Variants in ZNF713 observed in about 807,000 individuals in gnomAD.
ZNF713 encodes zinc finger protein 713.
A neutral mutation model predicts 28.7 loss-of-function variants in ZNF713; 21 were observed. The observed-to-expected ratio is 0.73, with a 90% CI of 0.52 to 1.05. The LOEUF is 1.05. Among genes scored for constraint, ZNF713 ranks in the 50% least tolerant of loss-of-function variants. ZNF713 has a pLI of 0.00. For missense variants in ZNF713, 458 were observed against 532.4 expected (o/e 0.86, Z 1.37); for synonymous variants, 167 against 178.0 (o/e 0.94, Z 0.49).
intron 1 of ZNF713, among the ~76,000 whole-genome samples, chr7:55,891,370 T>C (rs554388105): frequency 1.3e-5 from 2 of 151,922 alleles, no homozygotes; most frequent in African/African-American, 4.8e-5. Flanking sequence ...AAAAGTATAA[T>C]GTGACTTGCA....
chr7:55,889,629 C>T (rs998255216), intron 1 of ZNF713, among the ~76,000 whole-genome samples: 2 of 152,114 alleles, frequency 1.3e-5, no homozygotes, highest in Non-Finnish European at 2.9e-5. Context: ...TTAGTGATGC[C>T]CTCAAAGCCC....
intron 1 of ZNF713, among the ~76,000 whole-genome samples, chr7:55,892,589 T>C (rs924747802): frequency 8.6e-5 from 9 of 104,434 alleles, no homozygotes; most frequent in Non-Finnish European, 1.7e-4. Flanking sequence ...CAAAGCAGAA[T>C]AGGCTGGGCG....
chr7:55,905,154 G>A (rs1023485724), intron 1 of ZNF713, among the ~76,000 whole-genome samples: 1 of 152,194 alleles, frequency 6.6e-6, no homozygotes, highest in African/African-American at 2.4e-5. Flanking sequence ...GGTGACTGAA[G>A]TAGAAAGATA....
intron 4 of ZNF713, chr7:55,918,330 A>G (rs542836083): frequency 2.4e-4 from 58 of 244,014 alleles, no homozygotes; most frequent in African/African-American, 1.2e-3. Flanking sequence ...GAATCCTCCA[A>G]TCCCCAGTCA....
At chr7:55,932,890 CAAA>C (rs61092452) in intron 6 of ZNF713, among the ~76,000 whole-genome samples, 7 of 47,786 alleles carry the variant, frequency 1.5e-4, no homozygotes, top group Admixed American at 3.2e-4. Context: ...GACTCCGTCT[CAAA>C]AAAAAAAAAA....
At chr7:55,918,581 G>A (rs1228079359) in intron 4 of ZNF713, among the ~76,000 whole-genome samples, 1 of 152,182 alleles carries the variant, frequency 6.6e-6, no homozygotes, top group African/African-American at 2.4e-5. Context: ...CTCAAGGCGA[G>A]TTAATGGAAA....
At position 55,939,639 on chromosome 7, in the gene ZNF713, C is replaced by A; in HGVS notation, c.965C>A (p.Ala322Asp). 6.2e-7 allele frequency: 1 copy of A among 1,614,204 alleles called. No homozygotes were observed. The highest frequency in any genetic ancestry group is 8.5e-7 in the Non-Finnish European group (1 of 1,180,044). The change falls in exon 7 of 7, where the codon GCC becomes GAC. Residue 322 changes from alanine to aspartate, a missense_variant. Coordinates refer to ENST00000429591, the MANE Select transcript of ZNF713 (RefSeq NM_182633.3). ...KPFICNGCGK[A>D]FRQHSSFTQH... The stretch of plus-strand genomic sequence containing the variant: ...TTTATATGCAATGGATGTGGGAAAG[C>A]CTTCCGTCAGCATTCATCCTTTACT...
chr7:55,934,866 C>G (rs2116267572), intron 6 of ZNF713, among the ~76,000 whole-genome samples: 1 of 151,210 alleles, frequency 6.6e-6, no homozygotes, highest in East Asian at 2.0e-4. Context: ...GTGTGCAAAC[C>G]CTATGATCTG....
Position 55,941,588 on chromosome 7 carries a change from C to T in ZNF713, c.*1582C>T, listed in dbSNP as rs145431515. ...TGTATGCTTTCTTTACAGTTTTTAC[C>T]ATATCTAGTATTTACTTAATATTCT... On this transcript the variant is annotated 3_prime_UTR_variant, in exon 7 of 7. Transcript: ENST00000429591. The T allele has an allele frequency of 4.8e-4, 73 of 151,898 alleles. No individual in the cohort carries two copies. Among genetic ancestry groups the T allele is most frequent in the African/African-American group, 1.6e-3 (68 of 41,428 alleles). 9.4% of individuals were successfully genotyped at this position (151,898 alleles called of 1,614,324 possible). A position where few individuals can be genotyped will look rare whatever the true frequency, so the allele number is the denominator to read the frequency against.
chr7:55,936,731 A>T (rs191509955), intron 6 of ZNF713, among the ~76,000 whole-genome samples: 6 of 152,202 alleles, frequency 3.9e-5, no homozygotes, highest in Non-Finnish European at 5.9e-5. Context: ...GCAAGGTATC[A>T]TCGGTGTTTC....
chr7:55,930,882 GA>G (rs926919423), intron 6 of ZNF713, among the ~76,000 whole-genome samples: 2 of 151,924 alleles, frequency 1.3e-5, no homozygotes, highest in Non-Finnish European at 2.9e-5. Context: ...GCCCTTTACA[GA>G]AAAAAAACTT....
chr7:55,929,013 C>T (rs1297645008), intron 6 of ZNF713, among the ~76,000 whole-genome samples: 1 of 151,558 alleles, frequency 6.6e-6, no homozygotes, highest in Non-Finnish European at 1.5e-5. Context: ...TAACACACGC[C>T]TGTAGTCCCA....
At chr7:55,919,490 G>GTTTTTTTTTTTTTTTTTTTTTTT (rs55656709) in intron 4 of ZNF713, among the ~76,000 whole-genome samples, 36 of 66,746 alleles carry the variant, frequency 5.4e-4, no homozygotes, top group East Asian at 9.6e-4. Context: ...AAACACTCCA[G>GTTTTTTTTTTTTTTTTTTTTTTT]TTTTTTTTTT....
intron 4 of ZNF713, chr7:55,918,025 C>A (rs1348253637): frequency 6.6e-6 from 3 of 456,198 alleles, no homozygotes; most frequent in Non-Finnish European, 1.3e-5. Context: ...GTGACTTTGA[C>A]ACTCATCCCA....
At chr7:55,932,485 A>G (rs1285688897) in intron 6 of ZNF713, among the ~76,000 whole-genome samples, 1 of 149,788 alleles carries the variant, frequency 6.7e-6, no homozygotes, top group Admixed American at 6.7e-5. Context: ...TGATCACACC[A>G]CTGCACTCCA....
chr7:55,940,072 C>A lies in ZNF713; in HGVS notation c.*66C>A. The stretch of plus-strand genomic sequence containing the variant: ...GATTTTTTGGTCAGACCTTTTTATC[C>A]CATTCAATATCAAATTATTCATAGT... On this transcript the variant is annotated 3_prime_UTR_variant, in exon 7 of 7. Coordinates refer to ENST00000429591, the MANE Select transcript of ZNF713 (RefSeq NM_182633.3). The A allele has an allele frequency of 2.0e-6, 3 of 1,495,284 alleles. No individual in the cohort carries two copies. The highest frequency in any genetic ancestry group is 1.8e-4 in the Middle Eastern group (1 of 5,574). 92.6% of individuals were successfully genotyped at this position (1,495,284 alleles called of 1,614,324 possible).
In ZNF713 at chr7:55,887,959, C is replaced by T. The variant is rs1483934150; in HGVS notation, c.-583+279C>T. On this transcript the variant is annotated intron_variant, in intron 1 of 6. Coordinates refer to ENST00000429591, the MANE Select transcript of ZNF713 (RefSeq NM_182633.3). ...CTGTCCCCGCTGTCCCCATTCCTGT[C>T]ACCCGCCCCGTGTCCCTTTCAGATT... Among the ~76,000 whole-genome samples the T allele has an allele frequency of 6.6e-5, 10 of 150,404 alleles. No individual in the cohort carries two copies. In the South Asian group the frequency reaches 1.2e-3, roughly 19 times the overall value.
At chr7:55,890,541 G>A (rs559770002) in intron 1 of ZNF713, among the ~76,000 whole-genome samples, 32 of 152,078 alleles carry the variant, frequency 2.1e-4, no homozygotes, top group Non-Finnish European at 2.8e-4. Context: ...TAATTTGTGG[G>A]TGTGGAATAT....
At chr7:55,887,851 C>T (rs868471981) in intron 1 of ZNF713, among the ~76,000 whole-genome samples, 171 bp downstream of exon 1, 409 of 7,240 alleles carry the variant, frequency 0.056, 117 homozygotes, top group African/African-American at 0.13. Context: ...GCGGCGGCGG[C>T]GGCGGGCGGC....
Sources: gnomAD v4.1 joint callset for allele counts (sites outside exome capture counted in the v4.1 genomes callset) on GRCh38, gnomAD v4.1.1 for gene constraint, MANE v1.5 for transcripts, NCBI Gene and HGNC (gene_info 2026-07-23, HGNC 2026-07-21) for gene names.